SSTR3: variants seen among roughly 807,000 people sequenced by gnomAD.
SSTR3 encodes somatostatin receptor type 3.
For missense variants in SSTR3, 504 were observed against 604.7 expected (o/e 0.83, Z 1.75); for synonymous variants, 281 against 269.2 (o/e 1.04, Z -0.43).
Position 37,206,497 on chromosome 22 carries a change from AC to A in SSTR3, c.*49del. On this transcript the variant is annotated 3_prime_UTR_variant, in exon 2 of 2. Transcript: ENST00000610913. Reference sequence around the variant, plus strand: ...ACCTTGGGAAGTAGGCCCTAGGCACACCCACGGCTTCTGCCTCTTCCTCGGG... The same window carrying A: ...ACCTTGGGAAGTAGGCCCTAGGCACACCACGGCTTCTGCCTCTTCCTCGGG... 2 of 1,544,436 alleles carry A rather than the reference AC, an allele frequency of 1.3e-6. No homozygotes were observed. The highest frequency in any genetic ancestry group is 1.7e-6 in the Non-Finnish European group (2 of 1,147,178).
At position 37,207,084 on chromosome 22, in the gene SSTR3, C is replaced by T. The variant is rs781781120; in HGVS notation, c.720G>A (p.Val240=). The change falls in exon 2 of 2, where the codon GTG becomes GTA. Residue 240 remains valine, a synonymous_variant. Coordinates refer to ENST00000610913, the MANE Select transcript of SSTR3 (RefSeq NM_001051.5). The part of the protein sequence containing the change: ...VVKVRSAGRR[V]WAPSCQRRRR... ...GCCGCCGCTGGCACGAGGGTGCCCA[C>T]ACCCGGCGCCCAGCTGAGCGCACCT... The T allele has an allele frequency of 1.9e-6, 3 of 1,612,178 alleles. No individual in the cohort carries two copies. Among genetic ancestry groups the T allele is most frequent in the Middle Eastern group, 1.6e-4 (1 of 6,082 alleles).
chr22:37,216,612 C>G (rs1489534004), upstream of SSTR3, among the ~76,000 whole-genome samples: 1 of 152,252 alleles, frequency 6.6e-6, no homozygotes, highest in African/African-American at 2.4e-5. Flanking sequence ...TGGAGACTGA[C>G]GAGCTCCTCT....
At position 37,206,197 on chromosome 22, in the gene SSTR3, C is replaced by A. The variant is rs1360036630; in HGVS notation, c.*350G>T. 3.1e-5 allele frequency: 7 copies of A among 222,394 alleles called. No individual in the cohort carries two copies. Among genetic ancestry groups the A allele is most frequent in the Non-Finnish European group, 5.2e-5 (6 of 115,014 alleles). The allele number at this position is 222,394 out of a possible 1,614,324, so 13.8% of individuals were successfully genotyped here. ...GGCCTTGGTTTATCCCTCTGAGGGCCAAGATTCTAGTTGATGCCCCAAGAC... is the reference window on the plus strand; with the variant it reads ...GGCCTTGGTTTATCCCTCTGAGGGCAAAGATTCTAGTTGATGCCCCAAGAC... On this transcript the variant is annotated 3_prime_UTR_variant, in exon 2 of 2. Transcript: ENST00000610913.
upstream of SSTR3, among the ~76,000 whole-genome samples, chr22:37,216,967 G>T (rs1213054457): frequency 6.6e-6 from 1 of 151,990 alleles, no homozygotes; most frequent in Admixed American, 6.6e-5. Flanking sequence ...CACCCAGATA[G>T]TTTTTGTATT....
chr22:37,219,328 G>A, the SSTR3 span, among the ~76,000 whole-genome samples: 588 of 152,316 alleles, frequency 3.9e-3, 3 homozygotes, highest in African/African-American at 0.014. Flanking sequence ...TGCGCAAGGG[G>A]CTGTGCCTCA....
In SSTR3 at chr22:37,212,219, GAGAGAA is replaced by G; in HGVS notation, c.-437_-432del. 1 of 898,784 alleles carries G rather than the reference GAGAGAA, an allele frequency of 1.1e-6. No homozygotes were observed. Among genetic ancestry groups the G allele is most frequent in the Non-Finnish European group, 1.3e-6 (1 of 751,290 alleles). 55.7% of individuals were successfully genotyped at this position (898,784 alleles called of 1,614,324 possible). ...GGGAGGAGGTGGAGAAAGAGAGAGA[GAGAGAA>G]AGAGGGAGGGGGAGAGAGAGAGAGG... On this transcript the variant is annotated 5_prime_UTR_variant, in exon 1 of 2. Transcript: ENST00000610913.
At chr22:37,215,643 C>A, upstream of SSTR3, 1 of 200,162 alleles carries the variant, frequency 5.0e-6, no homozygotes, top group East Asian at 1.3e-4. Context: ...ACATGTCCAG[C>A]TGTCCAGATA....
chr22:37,215,779 G>A (rs557346542), upstream of SSTR3: 81 of 284,844 alleles, frequency 2.8e-4, no homozygotes, highest in African/African-American at 1.8e-3. Context: ...TCCTTTTGGA[G>A]CTGTACCTGA....
upstream of SSTR3, chr22:37,215,809 A>G (rs781498839): frequency 3.5e-6 from 1 of 287,762 alleles, no homozygotes; most frequent in Non-Finnish European, 7.4e-6. Context: ...CAGTTTTCAT[A>G]CAGATCCACT....
At chr22:37,209,855 G>A (rs181070829) in intron 1 of SSTR3, among the ~76,000 whole-genome samples, 85 of 152,362 alleles carry the variant, frequency 5.6e-4, no homozygotes, top group Admixed American at 2.2e-3. Flanking sequence ...CCAGGGCTTT[G>A]AGCTATGAGG....
At position 37,207,777 on chromosome 22, in the gene SSTR3, C is replaced by T; in HGVS notation, c.27G>A (p.Val9=). ...CATTCTCAGGTTCTGAGGTCGTGGACACCGATGATGGATGAAGCATGTCCA... is the reference window on the plus strand; with the variant it reads ...CATTCTCAGGTTCTGAGGTCGTGGATACCGATGATGGATGAAGCATGTCCA... The part of the protein sequence containing the change: MDMLHPSS[V]STTSEPENAS... Residue 9 remains valine, a synonymous_variant, in exon 2 of 2, where the codon GTG becomes GTA. Coordinates refer to ENST00000610913, the MANE Select transcript of SSTR3 (RefSeq NM_001051.5). The T allele has an allele frequency of 6.6e-7, 1 of 1,513,110 alleles. No homozygotes were observed. Among genetic ancestry groups the T allele is most frequent in the Non-Finnish European group, 8.8e-7 (1 of 1,130,326 alleles). 93.7% of individuals were successfully genotyped at this position (1,513,110 alleles called of 1,614,324 possible). A position where few individuals can be genotyped will look rare whatever the true frequency, so the allele number is the denominator to read the frequency against.
At chr22:37,211,003 T>C (rs1926156659) in intron 1 of SSTR3, 1 of 984,440 alleles carries the variant, frequency 1.0e-6, no homozygotes, top group South Asian at 4.7e-5. Flanking sequence ...AGGGAGAGTT[T>C]TTAGAGAGGA....
chr22:37,214,909 G>A (rs373523196), upstream of SSTR3, among the ~76,000 whole-genome samples: 4 of 152,092 alleles, frequency 2.6e-5, no homozygotes, highest in African/African-American at 7.2e-5. Context: ...CACCGGTGCC[G>A]CGAGTCCCTA....
chr22:37,218,384 C>T, the SSTR3 span, among the ~76,000 whole-genome samples: 1 of 152,086 alleles, frequency 6.6e-6, no homozygotes, highest in Admixed American at 6.5e-5. Context: ...GGAGAAACCC[C>T]GTCTCTACTA....
chr22:37,208,145 C>G (rs928004951), intron 1 of SSTR3, among the ~76,000 whole-genome samples: 1 of 152,166 alleles, frequency 6.6e-6, no homozygotes, highest in African/African-American at 2.4e-5. Context: ...CCAACAAATA[C>G]CTGCCCTTCC....
Position 37,206,701 on chromosome 22 carries a change from T to C in SSTR3, c.1103A>G (p.Lys368Arg). ...GEESREGGKG[K>R]EMNGRVSQIT... ...CTGGCTGACCCGGCCGTTCATCTCCTTCCCCTTGCCCCCCTCCCTGCTCTC... is the reference window on the plus strand; with the variant it reads ...CTGGCTGACCCGGCCGTTCATCTCCCTCCCCTTGCCCCCCTCCCTGCTCTC... Residue 368 changes from lysine (K) to arginine (R), a missense_variant, in exon 2 of 2, where the codon AAG becomes AGG. Physicochemically the swap from Lys to Arg is conservative, Grantham distance 26. Coordinates refer to ENST00000610913, the MANE Select transcript of SSTR3 (RefSeq NM_001051.5). 6.2e-7 allele frequency: 1 copy of C among 1,608,294 alleles called. No individual in the cohort carries two copies. The highest frequency in any genetic ancestry group is 1.1e-5 in the South Asian group (1 of 91,048).
At position 37,205,608 on chromosome 22, in the gene SSTR3, G is replaced by A. The variant is rs1925680567; in HGVS notation, c.*939C>T. ...ATATGGGTCACAAGGAGAGGAACAG[G>A]GATGGCCCTTCCTACAAGGAGGTGC... is the stretch of plus-strand genomic sequence containing the variant. On this transcript the variant is annotated 3_prime_UTR_variant, in exon 2 of 2. Coordinates refer to ENST00000610913, the MANE Select transcript of SSTR3 (RefSeq NM_001051.5). The A allele has an allele frequency of 6.6e-6, 1 of 152,216 alleles. No homozygotes were observed. The highest frequency in any genetic ancestry group is 6.5e-5 in the Admixed American group (1 of 15,282). 9.4% of individuals were successfully genotyped at this position (152,216 alleles called of 1,614,324 possible).
At chr22:37,214,541 C>T (rs1281443948), upstream of SSTR3, among the ~76,000 whole-genome samples, 1 of 152,158 alleles carries the variant, frequency 6.6e-6, no homozygotes, top group East Asian at 1.9e-4. Context: ...CTCCCTTGTA[C>T]ATGTAAATGA....
At chr22:37,216,726 A>G (rs966434657), upstream of SSTR3, among the ~76,000 whole-genome samples, 6 of 152,206 alleles carry the variant, frequency 3.9e-5, no homozygotes, top group Non-Finnish European at 5.9e-5. Flanking sequence ...GTATGAATCC[A>G]GTTCCTTAGA....
Sources: allele counts gnomAD v4.1 joint callset (sites outside exome capture counted in the v4.1 genomes callset), GRCh38; gene constraint gnomAD v4.1.1; transcripts MANE v1.5; gene names NCBI Gene and HGNC (gene_info 2026-07-23, HGNC 2026-07-21).